Variants in BIRC6 observed in about 807,000 individuals in gnomAD.
BIRC6 encodes the protein baculoviral IAP repeat containing 6.
Under a neutral mutation model 503.3 loss-of-function variants are expected in BIRC6, and 98 were observed. The ratio of observed to expected loss-of-function variants is 0.19; its 90% CI spans 0.17 to 0.23. The LOEUF is 0.23. Among genes scored for constraint, BIRC6 ranks in the 10% least tolerant of loss-of-function variants. The pLI is 1.00. For missense variants in BIRC6, 5,360 were observed against 5,806.0 expected (o/e 0.92, Z 2.50); for synonymous variants, 2,240 against 2,078.7 (o/e 1.08, Z -2.11).
At position 32,426,209 on chromosome 2, in the gene BIRC6, A is replaced by G. The variant is rs1004534049; in HGVS notation, c.2873-2937A>G. ...TTATATTTTGGTGGTTTAATTAATA[A>G]TACAATCTACTTCAGAATAATACTT... On this transcript the variant is annotated intron_variant, in intron 10 of 73. Transcript: ENST00000421745. Among the ~76,000 whole-genome samples, 3 of 152,326 alleles carry G rather than the reference A, an allele frequency of 2.0e-5. No individual in the cohort carries two copies. In the South Asian group the frequency reaches 6.2e-4, roughly 32 times the overall value.
At chr2:32,598,193 G>A (rs1223618031) in intron 69 of BIRC6, among the ~76,000 whole-genome samples, 1 of 126,972 alleles carries the variant, frequency 7.9e-6, no homozygotes, top group Non-Finnish European at 1.6e-5. Flanking sequence ...ACAGTGATGT[G>A]ATCACAGCTC....
chr2:32,424,546 C>T (rs990102433), intron 10 of BIRC6, among the ~76,000 whole-genome samples: 6 of 150,660 alleles, frequency 4.0e-5, no homozygotes, highest in African/African-American at 1.2e-4. Flanking sequence ...TGGAGTTTCA[C>T]GCTTGTTGCC....
intron 61 of BIRC6, 136 bp from the exon 62 acceptor site, chr2:32,543,105 C>T: frequency 9.5e-7 from 1 of 1,048,838 alleles, no homozygotes; most frequent in Non-Finnish European, 1.3e-6. Context: ...CGGCTGGAAG[C>T]TTGTTTTTTA....
intron 31 of BIRC6, among the ~76,000 whole-genome samples, chr2:32,470,531 T>C (rs980005071): frequency 3.9e-5 from 6 of 152,212 alleles, no homozygotes; most frequent in Non-Finnish European, 8.8e-5. Context: ...GTTTTTCCTG[T>C]ACTATTATAA....
chr2:32,388,380 CAAAAA>C (rs560533546), intron 3 of BIRC6, among the ~76,000 whole-genome samples: 1 of 94,456 alleles, frequency 1.1e-5, no homozygotes, highest in Non-Finnish European at 2.1e-5. Flanking sequence ...GACTCCGTCT[CAAAAA>C]AAAAAAAAAA....
chr2:32,483,137 G>A (rs1267378374), intron 39 of BIRC6, among the ~76,000 whole-genome samples: 1 of 151,894 alleles, frequency 6.6e-6, no homozygotes, highest in Non-Finnish European at 1.5e-5. Context: ...GGCTGGTCTC[G>A]AACTTGTGAC....
chr2:32,609,651 A>G (rs1035308107), intron 72 of BIRC6, among the ~76,000 whole-genome samples: 6 of 151,458 alleles, frequency 4.0e-5, no homozygotes, highest in African/African-American at 1.5e-4. Context: ...GAGTAAATTT[A>G]TATTCCAGTG....
chr2:32,590,254 T>G (rs2061316797), intron 66 of BIRC6, among the ~76,000 whole-genome samples: 1 of 152,216 alleles, frequency 6.6e-6, no homozygotes, highest in African/African-American at 2.4e-5. Context: ...TCAGTGCTTT[T>G]TGGTAAATGT....
At position 32,543,378 on chromosome 2, in the gene BIRC6, C is replaced by G. The variant is rs558289228; in HGVS notation, c.12429C>G (p.Ile4143Met). 5.0e-6 allele frequency: 8 copies of G among 1,613,904 alleles called. No individual in the cohort carries two copies. The highest frequency in any genetic ancestry group is 2.2e-5 in the East Asian group (1 of 44,892). Residue 4143 changes from isoleucine (I) to methionine (M), a missense_variant, in exon 62 of 74, where the codon ATC (isoleucine) becomes ATG (methionine). Ile to Met is a conservative substitution (Grantham distance 10, BLOSUM62 1). This residue lies in a region of BIRC6 where 477 missense variants were observed against 574.4 expected (regional missense o/e 0.83). Transcript: ENST00000421745. ...PETVAAEPPP[I>M]KSAVQTMSPI... The stretch of plus-strand genomic sequence containing the variant: ...CTGTTGCGGCTGAACCTCCACCTAT[C>G]AAGTCAGCAGTACAGACCATGTCTC...
At chr2:32,363,600 G>T (rs2034444633) in intron 1 of BIRC6, among the ~76,000 whole-genome samples, 2 of 152,068 alleles carry the variant, frequency 1.3e-5, no homozygotes, top group Admixed American at 1.3e-4. Flanking sequence ...TATACCGTTT[G>T]TCTTTTTTAT....
At chr2:32,478,609 G>GTA (rs1310986077) in intron 35 of BIRC6, 26 bp from the exon 36 acceptor site, 1 of 1,588,020 alleles carries the variant, frequency 6.3e-7, no homozygotes, top group Non-Finnish European at 8.6e-7. Context: ...CTATTTAAGT[G>GTA]TATGATTTTA....
intron 71 of BIRC6, among the ~76,000 whole-genome samples, chr2:32,605,122 ATCTG>A (rs1280792186): frequency 6.6e-6 from 1 of 152,008 alleles, no homozygotes; most frequent in Non-Finnish European, 1.5e-5. Context: ...ATCTCAAGTG[ATCTG>A]TCTGCCTCAG....
chr2:32,586,495 C>T (rs1037800467), intron 66 of BIRC6, among the ~76,000 whole-genome samples: 14 of 125,312 alleles, frequency 1.1e-4, no homozygotes, highest in East Asian at 2.6e-4. Context: ...GGCACTATAT[C>T]GGCTCACTGC....
chr2:32,519,749 C>T (rs948021253), intron 57 of BIRC6, among the ~76,000 whole-genome samples: 2 of 152,158 alleles, frequency 1.3e-5, no homozygotes, highest in African/African-American at 2.4e-5. Context: ...AACTCCTGAC[C>T]TCAAGTGATC....
chr2:32,505,194 C>A lies in BIRC6; in HGVS notation c.9689C>A (p.Ala3230Glu). 1 of 1,566,332 alleles carries A rather than the reference C, an allele frequency of 6.4e-7. No homozygotes were observed. The highest frequency in any genetic ancestry group is 8.7e-7 in the Non-Finnish European group (1 of 1,153,500). ...LKEIHIQPHL[A>E]SLATCPSSVS... The stretch of plus-strand genomic sequence containing the variant: ...GAGATACATATCCAGCCTCATCTTG[C>A]ATCTCTTGCAAGTGAGTAATATTTT... Residue 3230 changes from alanine to glutamate, a missense_variant, in exon 50 of 74, where the codon GCA becomes GAA. By Grantham distance (107) the Ala-to-Glu change is moderately radical (BLOSUM62 -1). Around this residue, in one of 16 missense-constraint regions of BIRC6, gnomAD observed 267 missense variants for 287.6 expected, o/e 0.93. Transcript: ENST00000421745.
intron 66 of BIRC6, among the ~76,000 whole-genome samples, chr2:32,586,985 CTAAAT>C (rs2061075702): frequency 6.6e-6 from 1 of 152,174 alleles, no homozygotes; most frequent in Non-Finnish European, 1.5e-5. Context: ...CATTTATCTG[CTAAAT>C]TAAACTTCAC....
chr2:32,369,942 AAAAATATATATATATATATATATAT>A (rs1352076405), intron 1 of BIRC6, among the ~76,000 whole-genome samples: 1 of 34,306 alleles, frequency 2.9e-5, no homozygotes, highest in African/African-American at 1.7e-4. Flanking sequence ...AAAAAAAAAA[AAAAATATATATATATATATATATAT>A]ATATATATAT....
At position 32,415,166 on chromosome 2, in the gene BIRC6, G is replaced by T; in HGVS notation, c.1875G>T (p.Arg625Ser). ...NSELNSPLVR[R>S]TLPVLLLYSI... is the part of the protein sequence containing the mutation. ...AACTAAATTCTCCTCTGGTAAGGAG[G>T]ACTTTACCGGTTTTGCTTCTTTATA... The change falls in exon 10 of 74, where the codon AGG becomes AGT. Residue 625 changes from arginine (R) to serine (S), a missense_variant. By Grantham distance (110) the Arg-to-Ser change is moderately radical. Around this residue, in one of 16 missense-constraint regions of BIRC6, gnomAD observed 700 missense variants for 739.3 expected, o/e 0.95. Transcript: ENST00000421745. 1 of 1,613,940 alleles carries T rather than the reference G, an allele frequency of 6.2e-7. No individual in the cohort carries two copies. Among genetic ancestry groups the T allele is most frequent in the South Asian group, 1.1e-5 (1 of 91,064 alleles).
intron 3 of BIRC6, among the ~76,000 whole-genome samples, chr2:32,383,682 C>G (rs2038025768): frequency 6.6e-6 from 1 of 152,104 alleles, no homozygotes; most frequent in Non-Finnish European, 1.5e-5. Flanking sequence ...TAGGCACGGG[C>G]CACCACACCT....
Sources: gnomAD v4.1 joint callset for allele counts (sites outside exome capture counted in the v4.1 genomes callset) on GRCh38, gnomAD v4.1.1 for gene constraint, gnomAD v4.1.1 regional missense constraint, MANE v1.5 for transcripts, NCBI Gene and HGNC (gene_info 2026-07-23, HGNC 2026-07-21) for gene names.